NCKAP5: variants seen among roughly 807,000 people sequenced by gnomAD.
NCKAP5 encodes the protein nck-associated protein 5.
NCKAP5 carries 92 observed loss-of-function variants against 167.0 expected under a neutral mutation model. The observed-to-expected ratio is 0.55, with a 90% CI of 0.47 to 0.66. NCKAP5 has a LOEUF of 0.66. Ranked by LOEUF, NCKAP5 falls within the 30% of genes least tolerant of loss-of-function variation. NCKAP5 has a pLI of 0.00. For missense variants in NCKAP5, 2,378 were observed against 2,315.0 expected (o/e 1.03, Z -0.56); for synonymous variants, 891 against 877.4 (o/e 1.02, Z -0.27).
chr2:132,929,857 T>C (rs1006338056), intron 8 of NCKAP5: 1 of 152,196 alleles, frequency 6.6e-6, no homozygotes, highest in African/African-American at 2.4e-5. Context: ...TTTCTCTGAA[T>C]TCCCTTTGTT....
At chr2:132,723,405 A>G (rs1350898796) in intron 19 of NCKAP5, among the ~76,000 whole-genome samples, 1 of 143,846 alleles carries the variant, frequency 7.0e-6, no homozygotes, top group African/African-American at 2.6e-5. Context: ...CTTGTGATCT[A>G]CCCGGCTCGG....
rs369094383 is a variant in NCKAP5 at position 133,153,989 on chromosome 2, C to T, written c.208-23878G>A. 6.8e-4 allele frequency among the ~76,000 whole-genome samples: 103 copies of T among 151,832 alleles called. 1 individual carries two copies. Among genetic ancestry groups the T allele is most frequent in the African/African-American group, 2.2e-3 (93 of 41,410 alleles). On this transcript the variant is annotated intron_variant, in intron 5 of 19. Coordinates refer to ENST00000409261, the MANE Select transcript of NCKAP5 (RefSeq NM_207363.3). The stretch of plus-strand genomic sequence containing the variant: ...CTGAGTAGCTGGGATTATAGGCGCC[C>T]GACCACCACACCTGGCTAACTTTTG...
In NCKAP5 at chr2:133,425,353, G is replaced by A. The variant is rs545335092; in HGVS notation, c.69+92105C>T. On this transcript the variant is annotated intron_variant, in intron 3 of 19. Transcript: ENST00000409261. ...AAGAAACTGGTATTTGAACATAGGA[G>A]TCTGAGGCAGAGCCAGTCAGAAAAC... is the stretch of plus-strand genomic sequence containing the variant. Among the ~76,000 whole-genome samples the A allele has an allele frequency of 5.9e-5, 9 of 152,334 alleles. No homozygotes were observed. In the South Asian group the frequency reaches 1.9e-3, roughly 32 times the overall value.
intron 3 of NCKAP5, among the ~76,000 whole-genome samples, chr2:133,442,460 G>A (rs953295193): frequency 6.6e-5 from 10 of 152,122 alleles, no homozygotes; most frequent in South Asian, 2.1e-4. Flanking sequence ...CTTATTGTCC[G>A]CACCAGGGGT....
chr2:133,516,821 G>A (rs896462568), intron 3 of NCKAP5, among the ~76,000 whole-genome samples: 8 of 152,292 alleles, frequency 5.3e-5, no homozygotes, highest in South Asian at 2.1e-4. Flanking sequence ...CACGCATTGC[G>A]TAACAGAAAA....
intron 19 of NCKAP5, among the ~76,000 whole-genome samples, chr2:132,676,805 C>T (rs1313648197): frequency 6.6e-6 from 1 of 152,124 alleles, no homozygotes; most frequent in African/African-American, 2.4e-5. Flanking sequence ...TTTCCATCCT[C>T]ACATGAATTC....
chr2:133,615,426 A>G, the NCKAP5 span, among the ~76,000 whole-genome samples: 1 of 152,136 alleles, frequency 6.6e-6, no homozygotes, highest in African/African-American at 2.4e-5. Flanking sequence ...AGAGACACAC[A>G]TAGGCTCAAA....
intron 3 of NCKAP5, among the ~76,000 whole-genome samples, chr2:133,376,772 G>C (rs1467116563): frequency 6.6e-6 from 1 of 152,180 alleles, no homozygotes; most frequent in African/African-American, 2.4e-5. Context: ...ACTGGGACTA[G>C]AAATATGAAA....
chr2:133,624,141 G>T, the NCKAP5 span, among the ~76,000 whole-genome samples: 3 of 151,974 alleles, frequency 2.0e-5, no homozygotes, highest in Non-Finnish European at 4.4e-5. Context: ...AAAAGGGTGG[G>T]GGATGGTGAG....
At chr2:132,842,705 C>A (rs1336909795) in intron 11 of NCKAP5, among the ~76,000 whole-genome samples, 1 of 151,038 alleles carries the variant, frequency 6.6e-6, no homozygotes, top group East Asian at 1.9e-4. Context: ...TGCCACCATG[C>A]CCGGATGATT....
chr2:132,689,034 A>T (rs1686362415), intron 19 of NCKAP5, among the ~76,000 whole-genome samples: 1 of 150,302 alleles, frequency 6.7e-6, no homozygotes, highest in Non-Finnish European at 1.5e-5. Context: ...TCTCTACTCT[A>T]CTTCTCCTAC....
At chr2:133,426,495 C>G (rs1389465743) in intron 3 of NCKAP5, among the ~76,000 whole-genome samples, 1 of 148,754 alleles carries the variant, frequency 6.7e-6, no homozygotes, top group Non-Finnish European at 1.5e-5. Flanking sequence ...TTTTAAGAAG[C>G]CAGCATCATC....
intron 8 of NCKAP5, among the ~76,000 whole-genome samples, chr2:132,924,481 G>A (rs1272173829): frequency 2.6e-5 from 4 of 152,168 alleles, no homozygotes; most frequent in Admixed American, 6.5e-5. Context: ...AGTTAATCAT[G>A]TTTATTCAAT....
intron 8 of NCKAP5, among the ~76,000 whole-genome samples, chr2:132,939,789 CAGG>C (rs979768797): frequency 6.6e-6 from 1 of 152,020 alleles, no homozygotes; most frequent in African/African-American, 2.4e-5. Flanking sequence ...CACTTGAGGC[CAGG>C]AGTTCAAGAC....
intron 16 of NCKAP5, among the ~76,000 whole-genome samples, chr2:132,766,278 C>CAAAAA (rs70973405): frequency 1.8e-4 from 7 of 38,418 alleles, no homozygotes; most frequent in Admixed American, 3.9e-4. Context: ...GATTCTGTCT[C>CAAAAA]AAAAAAAAAA....
chr2:132,916,221 C>A (rs948876803), intron 8 of NCKAP5, among the ~76,000 whole-genome samples: 5 of 151,810 alleles, frequency 3.3e-5, no homozygotes, highest in Admixed American at 6.6e-5. Flanking sequence ...GGCAGGGGAC[C>A]CACTATATTG....
chr2:133,619,481 A>G, the NCKAP5 span, among the ~76,000 whole-genome samples: 2 of 151,940 alleles, frequency 1.3e-5, no homozygotes, highest in African/African-American at 2.4e-5. Context: ...AACAAGCAGA[A>G]GAAAGAACTT....
intron 2 of NCKAP5, among the ~76,000 whole-genome samples, chr2:133,528,804 A>G (rs1245156631): frequency 1.3e-5 from 2 of 152,122 alleles, no homozygotes; most frequent in African/African-American, 4.8e-5. Context: ...TCACCTACCC[A>G]TCAGTACGGT....
chr2:133,122,449 A>G (rs1012515352), intron 6 of NCKAP5: 1 of 152,218 alleles, frequency 6.6e-6, no homozygotes, highest in Non-Finnish European at 1.5e-5. Flanking sequence ...AATTGTTAAA[A>G]AGTGAAAACA....
Sources: gnomAD v4.1 joint callset for allele counts (sites outside exome capture counted in the v4.1 genomes callset) on GRCh38, gnomAD v4.1.1 for gene constraint, MANE v1.5 for transcripts, NCBI Gene and HGNC (gene_info 2026-07-23, HGNC 2026-07-21) for gene names.